ZNF20: variants seen among roughly 807,000 people sequenced by gnomAD.
The protein encoded by ZNF20 is zinc finger protein KOX13.
ZNF20 carries 9 observed loss-of-function variants against 11.0 expected under a neutral mutation model. The ratio of observed to expected loss-of-function variants is 0.82; its 90% CI spans 0.49 to 1.43. The LOEUF (loss-of-function observed/expected upper bound fraction) is 1.43. ZNF20 is among the 40% of genes most tolerant of loss of function. ZNF20 has a pLI of 0.00. For synonymous variants in ZNF20, 182 were observed against 213.0 expected (o/e 0.85, Z 1.27); for missense variants, 528 against 640.8 (o/e 0.82, Z 1.90).
intron 1 of ZNF20, 41 bp downstream of exon 1, chr19:12,140,134 CACCCA>C: frequency 6.3e-7 from 1 of 1,583,566 alleles, no homozygotes; most frequent in East Asian, 2.3e-5. Flanking sequence ...CGGCCGGTTC[CACCCA>C]GCCCCTCCCC....
chr19:12,132,616 G>A lies in ZNF20; in HGVS notation c.1570C>T (p.His524Tyr), dbSNP rs374817435. The A allele has an allele frequency of 1.0e-5, 16 of 1,603,364 alleles. No homozygotes were observed. The highest frequency in any genetic ancestry group is 1.4e-5 in the Non-Finnish European group (16 of 1,176,270). Residue 524 changes from histidine to tyrosine, a missense_variant, in exon 4 of 4, where the codon CAT (histidine) becomes TAT (tyrosine). His to Tyr is a moderately conservative substitution (Grantham distance 83). Transcript: ENST00000334213. ...AFIRASSCREHERTHTINR is the reference protein window; with the variant it reads ...AFIRASSCREYERTHTINR ...CTATTAATGGTATGAGTTCTTTCAT[G>A]TTCTCGACATGAACTGGCACGAATA...
In ZNF20 at chr19:12,132,879, G is replaced by A. The variant is rs1976645685; in HGVS notation, c.1307C>T (p.Ser436Phe). 5.6e-6 allele frequency: 9 copies of A among 1,614,000 alleles called. No homozygotes were observed. Among genetic ancestry groups the A allele is most frequent in the Non-Finnish European group, 7.6e-6 (9 of 1,180,010 alleles). The stretch of plus-strand genomic sequence containing the variant: ...TGTCCTTTCATGTATATGCAAGGAA[G>A]AGAAATACCTGAATGCTTTTCCACA... ...KQCGKAFRYF[S>F]SLHIHERTHT... The change falls in exon 4 of 4, where the codon TCT becomes TTT. Residue 436 changes from serine (S) to phenylalanine (F), a missense_variant. By Grantham distance (155) the Ser-to-Phe change is radical. Transcript: ENST00000334213.
rs1249718637 is a variant in ZNF20, at chr19:12,133,019, G to C, written c.1167C>G (p.His389Gln). The C allele has an allele frequency of 1.7e-5, 27 of 1,613,956 alleles. No individual in the cohort carries two copies. Among genetic ancestry groups the C allele is most frequent in the Non-Finnish European group, 2.1e-5 (25 of 1,179,972 alleles). Reference sequence around the variant, plus strand: ...TACATTCATGGGGTTTCTCTCCACTGTGCGTCCTTTCATGAATTTGAAGTT... The same window carrying C: ...TACATTCATGGGGTTTCTCTCCACTCTGCGTCCTTTCATGAATTTGAAGTT... ...ASQLQIHERT[H>Q]SGEKPHECKE... The change falls in exon 4 of 4, where the codon CAC becomes CAG. Residue 389 changes from histidine (H) to glutamine (Q), a missense_variant. By Grantham distance (24) the His-to-Gln change is conservative. Coordinates refer to ENST00000334213, the MANE Select transcript of ZNF20 (RefSeq NM_021143.4).
intron 1 of ZNF20, chr19:12,137,082 A>G (rs373003805): frequency 1.3e-5 from 3 of 232,234 alleles, no homozygotes; most frequent in African/African-American, 4.7e-5. Context: ...AGGCAGGCCA[A>G]TCACTTCAGG....
Position 12,133,118 on chromosome 19 carries a change from C to G in ZNF20, c.1068G>C (p.Arg356Ser). Residue 356 changes from arginine to serine, a missense_variant, in exon 4 of 4, where the codon AGG becomes AGC. Coordinates refer to ENST00000334213, the MANE Select transcript of ZNF20 (RefSeq NM_021143.4). ...KAFRCTSDLQRHEKTHTEDKP... is the reference protein window; with the variant it reads ...KAFRCTSDLQSHEKTHTEDKP... ...TATCCTCAGTGTGTGTCTTTTCATG[C>G]CTTTGAAGGTCCGAGGTACATCTGA... The G allele has an allele frequency of 6.2e-7, 1 of 1,612,884 alleles. No individual in the cohort carries two copies. The highest frequency in any genetic ancestry group is 8.5e-7 in the Non-Finnish European group (1 of 1,179,740).
At position 12,133,504 on chromosome 19, in the gene ZNF20, T is replaced by A; in HGVS notation, c.682A>T (p.Lys228Ter). 6.2e-7 allele frequency: 1 copy of A among 1,614,210 alleles called. No homozygotes were observed. The highest frequency in any genetic ancestry group is 8.5e-7 in the Non-Finnish European group (1 of 1,180,038). Residue 228 changes from lysine (K) to a stop codon, truncating the protein, a stop_gained, in exon 4 of 4, where the codon AAG (lysine) becomes TAG (stop). Coordinates refer to ENST00000334213, the MANE Select transcript of ZNF20 (RefSeq NM_021143.4). LOFTEE classifies it low-confidence loss of function (END_TRUNC). Reference protein sequence around the residue: ...ERIHTGVKPYKCKQCGKAFTR... With the variant: ...ERIHTGVKPY ...AAGGCCTTACCACATTGTTTACACT[T>A]ATATGGTTTCACACCAGTGTGAATT...
chr19:12,135,705 C>A, intron 2 of ZNF20, 64 bp downstream of exon 2: 1 of 1,598,190 alleles, frequency 6.3e-7, no homozygotes, highest in Non-Finnish European at 8.5e-7. Flanking sequence ...AATCAATGAA[C>A]AGCATTGATG....
rs1210930764 is a variant in ZNF20 at position 12,132,278 on chromosome 19, A to G, written c.*309T>C. Reference sequence around the variant, plus strand: ...GTGATTTGGGGGATATTCTCGATTAACAAGCCAAAGAATCAGGAAAATGGG... The same window carrying G: ...GTGATTTGGGGGATATTCTCGATTAGCAAGCCAAAGAATCAGGAAAATGGG... On this transcript the variant is annotated 3_prime_UTR_variant, in exon 4 of 4. Coordinates refer to ENST00000334213, the MANE Select transcript of ZNF20 (RefSeq NM_021143.4). 12 of 297,070 alleles carry G rather than the reference A, an allele frequency of 4.0e-5. No individual in the cohort carries two copies. In the East Asian group the frequency reaches 7.1e-4, roughly 18 times the overall value. 18.4% of individuals were successfully genotyped at this position (297,070 alleles called of 1,614,324 possible). A position where few individuals can be genotyped will look rare whatever the true frequency, so the allele number is the denominator to read the frequency against.
intron 1 of ZNF20, 91 bp from the exon 2 acceptor site, chr19:12,135,995 A>G: frequency 2.0e-6 from 3 of 1,489,452 alleles, no homozygotes; most frequent in Non-Finnish European, 2.7e-6. Context: ...GTGGACTCCA[A>G]ACATTTATCC....
rs187436484 is a variant in ZNF20, at chr19:12,135,864, C to T, written c.44G>A (p.Ser15Asn). Residue 15 changes from serine to asparagine, a missense_variant, in exon 2 of 4, where the codon AGC becomes AAC. Coordinates refer to ENST00000334213, the MANE Select transcript of ZNF20 (RefSeq NM_021143.4). ...DSVAFEDVAV[S>N]FTQEEWALLD... ...CAAAGCCCACTCCTCCTGGGTGAAG[C>T]TGACAGCCACATCCTCAAAGGCCAC... The T allele has an allele frequency of 1.1e-5, 18 of 1,614,152 alleles. No individual in the cohort carries two copies. The Admixed American group carries it at 2.3e-4, about 21-fold the overall frequency.
At chr19:12,134,779 G>A (rs996428324) in intron 3 of ZNF20, among the ~76,000 whole-genome samples, 2 of 152,126 alleles carry the variant, frequency 1.3e-5, no homozygotes, top group African/African-American at 4.8e-5. Flanking sequence ...TCTACAAGAT[G>A]GTCTGGGTAT....
chr19:12,136,683 G>A (rs1040129540), intron 1 of ZNF20, among the ~76,000 whole-genome samples: 16 of 152,058 alleles, frequency 1.1e-4, no homozygotes, highest in East Asian at 5.8e-4. Context: ...GTGAAACTCC[G>A]TCTCGAAAAA....
intron 3 of ZNF20, among the ~76,000 whole-genome samples, chr19:12,135,022 C>A (rs7248860): frequency 0.018 from 2,714 of 152,022 alleles, 67 homozygotes; most frequent in African/African-American, 0.059. Context: ...TGGGGGTATG[C>A]GCAACAGTGC....
In ZNF20 at chr19:12,139,533, A is replaced by T. The variant is rs964822618; in HGVS notation, c.3+647T>A. On this transcript the variant is annotated intron_variant, in intron 1 of 3. Coordinates refer to ENST00000334213, the MANE Select transcript of ZNF20 (RefSeq NM_021143.4). This position sits in a 1 kb window ranked among gnomAD's most constrained non-coding sequence, Gnocchi z 4.0. ...ATCGCTGTTTGCTCAAACTCTTTAAATTTTTTTTTTTTTTTGAGATGGAAT... is the reference window on the plus strand; with the variant it reads ...ATCGCTGTTTGCTCAAACTCTTTAATTTTTTTTTTTTTTTTGAGATGGAAT... Among the ~76,000 whole-genome samples, 6 of 145,890 alleles carry T rather than the reference A, an allele frequency of 4.1e-5. No homozygotes were observed. Among genetic ancestry groups the T allele is most frequent in the Middle Eastern group, 3.6e-3 (1 of 280 alleles).
intron 1 of ZNF20, among the ~76,000 whole-genome samples, chr19:12,138,205 C>T (rs534635564): frequency 6.6e-6 from 1 of 152,262 alleles, no homozygotes; most frequent in South Asian, 2.1e-4. Flanking sequence ...AAAATTCCAG[C>T]ACTTTGGGAG....
In ZNF20 at chr19:12,132,339, TG is replaced by T; in HGVS notation, c.*247del. 1 of 451,512 alleles carries T rather than the reference TG, an allele frequency of 2.2e-6. No individual in the cohort carries two copies. Among genetic ancestry groups the T allele is most frequent in the East Asian group, 3.7e-5 (1 of 26,916 alleles). The allele number at this position is 451,512 out of a possible 1,614,324, so 28.0% of individuals were successfully genotyped here. A position where few individuals can be genotyped will look rare whatever the true frequency, so the allele number is the denominator to read the frequency against. Reference sequence around the variant, plus strand: ...GTAGCCACACACCTCTCTCCCTGTGTGGGGCCTCTAATATGTGACTGATGCC... The same window carrying T: ...GTAGCCACACACCTCTCTCCCTGTGTGGGCCTCTAATATGTGACTGATGCC... On this transcript the variant is annotated 3_prime_UTR_variant, in exon 4 of 4. Coordinates refer to ENST00000334213, the MANE Select transcript of ZNF20 (RefSeq NM_021143.4).
rs1439539175 is a variant in ZNF20 at position 12,135,863 on chromosome 19, GC to G, written c.44del (p.Ser15ThrfsTer21). The G allele has an allele frequency of 6.2e-7, 1 of 1,614,154 alleles. No homozygotes were observed. The highest frequency in any genetic ancestry group is 2.2e-5 in the East Asian group (1 of 44,880). On this transcript the variant is annotated frameshift_variant, in exon 2 of 4. Transcript: ENST00000334213. LOFTEE classifies it high-confidence loss of function. ...DSVAFEDVAV[S>X]FTQEEWALLD... is the part of the protein sequence containing the mutation. ...GCAAAGCCCACTCCTCCTGGGTGAA[GC>G]TGACAGCCACATCCTCAAAGGCCAC...
At chr19:12,136,779 C>G in intron 1 of ZNF20, 1 of 394,618 alleles carries the variant, frequency 2.5e-6, no homozygotes, top group South Asian at 1.9e-5. Flanking sequence ...TGGAAAACAG[C>G]AGATTCTGAA....
At position 12,133,024 on chromosome 19, in the gene ZNF20, T is replaced by C; in HGVS notation, c.1162A>G (p.Thr388Ala). Reference sequence around the variant, plus strand: ...TCATGGGGTTTCTCTCCACTGTGCGTCCTTTCATGAATTTGAAGTTGTGAA... The same window carrying C: ...TCATGGGGTTTCTCTCCACTGTGCGCCCTTTCATGAATTTGAAGTTGTGAA... Reference protein sequence around the residue: ...CASQLQIHERTHSGEKPHECK... With the variant: ...CASQLQIHERAHSGEKPHECK... The change falls in exon 4 of 4, where the codon ACG becomes GCG. Residue 388 changes from threonine to alanine, a missense_variant. Coordinates refer to ENST00000334213, the MANE Select transcript of ZNF20 (RefSeq NM_021143.4). The C allele has an allele frequency of 6.2e-7, 1 of 1,614,134 alleles. No homozygotes were observed. Among genetic ancestry groups the C allele is most frequent in the Non-Finnish European group, 8.5e-7 (1 of 1,179,968 alleles).
Sources: gnomAD v4.1 joint callset for allele counts (sites outside exome capture counted in the v4.1 genomes callset) on GRCh38, gnomAD v4.1.1 for gene constraint, Gnocchi (gnomAD v3.1) non-coding constraint, MANE v1.5 for transcripts, NCBI Gene and HGNC (gene_info 2026-07-23, HGNC 2026-07-21) for gene names.